The following IKZF3 variants were observed in gnomAD, a reference collection of about 807,000 sequenced individuals.
IKZF3 encodes IKAROS family zinc finger 3, also known as zinc finger protein Aiolos.
In IKZF3, 10 loss-of-function variants were observed where a neutral mutation model predicts 49.0. The ratio of observed to expected loss-of-function variants is 0.20; its 90% confidence interval spans 0.13 to 0.35. The LOEUF is 0.35. IKZF3 is among the 10% of genes least tolerant of loss of function. IKZF3 has a pLI of 1.00. For synonymous variants in IKZF3, 209 were observed against 228.2 expected, an observed-to-expected ratio of 0.92 and a Z score of 0.76; for missense variants, 498 against 664.8, an observed-to-expected ratio of 0.75 and a Z score of 2.76.
chr17:39,780,991 T>C (rs1419133037), intron 6 of IKZF3, among the ~76,000 whole-genome samples: 1 of 152,116 alleles, frequency 6.6e-6, no homozygotes, highest in African/African-American at 2.4e-5. Context: ...TTTGTGTAAA[T>C]GAAAACAGTA....
intron 3 of IKZF3, among the ~76,000 whole-genome samples, chr17:39,794,246 T>A (rs2061106498): frequency 6.6e-6 from 1 of 152,232 alleles, no homozygotes; most frequent in Non-Finnish European, 1.5e-5. Context: ...TTACTTGGAT[T>A]TGACCTCATG....
intron 7 of IKZF3, among the ~76,000 whole-genome samples, chr17:39,777,008 G>A (rs1053247305): frequency 9.9e-5 from 15 of 152,188 alleles, no homozygotes; most frequent in African/African-American, 2.9e-4. Flanking sequence ...ACATCTGGGA[G>A]AGTTCAGCAA....
chr17:39,815,964 C>T (rs1015014045), intron 3 of IKZF3, among the ~76,000 whole-genome samples: 1 of 152,124 alleles, frequency 6.6e-6, no homozygotes, highest in East Asian at 1.9e-4. Context: ...CAAACAATTT[C>T]GAACAGAATA....
chr17:39,856,738 A>G (rs35770042), intron 1 of IKZF3, among the ~76,000 whole-genome samples: 8,773 of 151,748 alleles, frequency 0.058, 398 homozygotes, highest in African/African-American at 0.12. Flanking sequence ...CCTGGGAGGC[A>G]GAGGTTGCAA....
rs1249565177 is a variant in IKZF3 at position 39,829,368 on chromosome 17, T to C, written c.163+19A>G. On this transcript the variant is annotated intron_variant, in intron 3 of 7. Transcript: ENST00000346872. ...AATATCTACAGGCATCAGTGTTTAG[T>C]CTGCACACTACGGCTCACCTCCTAT... The C allele has an allele frequency of 1.7e-5, 26 of 1,549,382 alleles. No homozygotes were observed. Among genetic ancestry groups the C allele is most frequent in the Non-Finnish European group, 2.1e-5 (24 of 1,121,130 alleles).
chr17:39,840,855 A>G (rs1221592430), intron 1 of IKZF3, among the ~76,000 whole-genome samples: 1 of 152,096 alleles, frequency 6.6e-6, no homozygotes, highest in African/African-American at 2.4e-5. Context: ...GAGTGTGTCC[A>G]TGCAGGGTAG....
chr17:39,776,670 T>C (rs1265487881), intron 7 of IKZF3, among the ~76,000 whole-genome samples: 1 of 152,232 alleles, frequency 6.6e-6, no homozygotes, highest in Non-Finnish European at 1.5e-5. Context: ...CATAGACTGT[T>C]TGCTTGTCAA....
At chr17:39,775,587 T>C (rs978788310) in intron 7 of IKZF3, among the ~76,000 whole-genome samples, 2 of 152,204 alleles carry the variant, frequency 1.3e-5, no homozygotes, top group African/African-American at 4.8e-5. Flanking sequence ...GTCTCTCAAA[T>C]TTTAGTTGTC....
chr17:39,771,117 T>C (rs923376237), intron 7 of IKZF3, among the ~76,000 whole-genome samples: 3 of 152,210 alleles, frequency 2.0e-5, no homozygotes, highest in African/African-American at 7.2e-5. Context: ...TATCCCAGTA[T>C]ATGTTTGAGT....
chr17:39,807,157 AG>A (rs1044800927), intron 3 of IKZF3, among the ~76,000 whole-genome samples: 2 of 152,194 alleles, frequency 1.3e-5, no homozygotes, highest in African/African-American at 4.8e-5. Flanking sequence ...TTAAGTTGCT[AG>A]GGTTTGGGGT....
At chr17:39,845,949 C>T (rs2062619676) in intron 1 of IKZF3, among the ~76,000 whole-genome samples, 1 of 152,132 alleles carries the variant, frequency 6.6e-6, no homozygotes, top group African/African-American at 2.4e-5. Context: ...AATGAACATA[C>T]ATGTATGTAT....
intron 3 of IKZF3, among the ~76,000 whole-genome samples, chr17:39,800,222 A>G (rs1185907669): frequency 6.6e-6 from 1 of 152,218 alleles, no homozygotes; most frequent in East Asian, 1.9e-4. Flanking sequence ...TATAATATAT[A>G]TCAGGTTTCT....
At chr17:39,810,098 C>A (rs2061516428) in intron 3 of IKZF3, among the ~76,000 whole-genome samples, 1 of 152,170 alleles carries the variant, frequency 6.6e-6, no homozygotes, top group South Asian at 2.1e-4. Context: ...TGATTGATTT[C>A]TCAAACCCTG....
chr17:39,861,789 G>A lies in IKZF3; in HGVS notation c.7+2331C>T, dbSNP rs532666991. ...TAGGGGCATTCAGCTCAAAACCCCT[G>A]TGAGAATATATTATGGAATAATATA... On this transcript the variant is annotated intron_variant, in intron 1 of 7. Transcript: ENST00000346872. Among the ~76,000 whole-genome samples the A allele has an allele frequency of 3.3e-5, 5 of 152,218 alleles. No homozygotes were observed. The South Asian group carries it at 8.3e-4, about 25-fold the overall frequency.
chr17:39,850,361 CATATTATATATGTATATATAATATATAG>C (rs1157673363), intron 1 of IKZF3, among the ~76,000 whole-genome samples: 118 of 121,658 alleles, frequency 9.7e-4, no homozygotes, highest in Non-Finnish European at 1.4e-3. Context: ...TAATATATAG[CATATTATATATGTATATATAATATATAG>C]CATATTGTAT....
chr17:39,775,697 G>A (rs2060562794), intron 7 of IKZF3, among the ~76,000 whole-genome samples: 1 of 152,062 alleles, frequency 6.6e-6, no homozygotes, highest in East Asian at 1.9e-4. Context: ...GGCCAAGGCG[G>A]GTGGATCACC....
chr17:39,776,633 G>A (rs1233834634), intron 7 of IKZF3, among the ~76,000 whole-genome samples: 1 of 152,192 alleles, frequency 6.6e-6, no homozygotes, highest in Non-Finnish European at 1.5e-5. Context: ...AAATATATGG[G>A]TTCTTTCAAT....
intron 7 of IKZF3, among the ~76,000 whole-genome samples, chr17:39,770,953 G>A (rs781221619): frequency 2.0e-5 from 3 of 151,938 alleles, no homozygotes; most frequent in Admixed American, 6.6e-5. Context: ...CTACAGGCAC[G>A]TGCCACTATG....
intron 7 of IKZF3, among the ~76,000 whole-genome samples, chr17:39,768,426 C>T (rs1392365425): frequency 1.3e-5 from 2 of 152,170 alleles, no homozygotes; most frequent in African/African-American, 2.4e-5. Flanking sequence ...CTGGCTGAAA[C>T]GCGATCAAGA....
Sources: allele counts gnomAD v4.1 joint callset (sites outside exome capture counted in the v4.1 genomes callset), GRCh38; gene constraint gnomAD v4.1.1; transcripts MANE v1.5; gene names NCBI Gene and HGNC (gene_info 2026-07-23, HGNC 2026-07-21).